The following MRPL42 variants were observed in gnomAD, a reference collection of about 807,000 sequenced individuals.
MRPL42 encodes large ribosomal subunit protein mL42.
In MRPL42, 17 loss-of-function variants were observed where a neutral mutation model predicts 17.9. The ratio of observed to expected loss-of-function variants is 0.95; its 90% CI spans 0.65 to 1.42. The LOEUF (loss-of-function observed/expected upper bound fraction) is 1.42, where lower values mean the gene tolerates loss of function less well. Ranked by LOEUF, MRPL42 falls within the 40% of genes most tolerant of loss-of-function variation. MRPL42 has a pLI of 0.00. For synonymous variants in MRPL42, 59 were observed against 54.4 expected, an observed-to-expected ratio of 1.08 and a Z score of -0.37; for missense variants, 177 against 175.2, an observed-to-expected ratio of 1.01 and a Z score of -0.06.
At chr12:93,485,017 T>TATATAC (rs1880667927) in intron 4 of MRPL42, among the ~76,000 whole-genome samples, 16 of 64,140 alleles carry the variant, frequency 2.5e-4, no homozygotes, top group South Asian at 5.2e-4. Flanking sequence ...TATATATATA[T>TATATAC]ATATATATAT....
chr12:93,496,996 A>G (rs77027619), intron 5 of MRPL42, among the ~76,000 whole-genome samples: 7,680 of 152,232 alleles, frequency 0.05, 247 homozygotes, highest in South Asian at 0.14. Flanking sequence ...TCCTGAAAAC[A>G]TACAACCTCG....
At position 93,505,220 on chromosome 12, in the gene MRPL42, T is replaced by C. The variant is rs1294907651; in HGVS notation, c.*3999T>C. The C allele has an allele frequency of 6.6e-6, 1 of 152,198 alleles. No homozygotes were observed. Among genetic ancestry groups the C allele is most frequent in the Non-Finnish European group, 1.5e-5 (1 of 68,040 alleles). The allele number at this position is 152,198 out of a possible 1,614,324, so 9.4% of individuals were successfully genotyped here. A position where few individuals can be genotyped will look rare whatever the true frequency, so the allele number is the denominator to read the frequency against. On this transcript the variant is annotated 3_prime_UTR_variant, in exon 6 of 6. Transcript: ENST00000549982. ...TGATATGCAAGATAGCACGTGTGGT[T>C]TCCACATATTCTAAGAGGCATCTTC...
intron 2 of MRPL42, among the ~76,000 whole-genome samples, chr12:93,470,776 G>A (rs1879873532): frequency 6.6e-6 from 1 of 152,232 alleles, no homozygotes; most frequent in Non-Finnish European, 1.5e-5. Flanking sequence ...CTGTGTTGCT[G>A]TAAAGGACAT....
At chr12:93,471,546 C>G (rs1879911478) in intron 2 of MRPL42, among the ~76,000 whole-genome samples, 1 of 152,048 alleles carries the variant, frequency 6.6e-6, no homozygotes, top group South Asian at 2.1e-4. Flanking sequence ...AGTGATCTGC[C>G]CACCTCAGCC....
rs866169 is a variant in MRPL42, at chr12:93,512,308, T to A, written c.*11087T>A. 1 of 152,072 alleles carries A rather than the reference T, an allele frequency of 6.6e-6. No homozygotes were observed. The highest frequency in any genetic ancestry group is 1.5e-5 in the Non-Finnish European group (1 of 68,040). The allele number at this position is 152,072 out of a possible 1,614,324, so 9.4% of individuals were successfully genotyped here. A position where few individuals can be genotyped will look rare whatever the true frequency, so the allele number is the denominator to read the frequency against. On this transcript the variant is annotated 3_prime_UTR_variant, in exon 6 of 6. Coordinates refer to ENST00000549982, the MANE Select transcript of MRPL42 (RefSeq NM_014050.4). Reference sequence around the variant, plus strand: ...CTCTACTAAAAATACAAAAATTAGCTGGGCGTGGTGGCACACACCTGTATT... The same window carrying A: ...CTCTACTAAAAATACAAAAATTAGCAGGGCGTGGTGGCACACACCTGTATT...
intron 5 of MRPL42, among the ~76,000 whole-genome samples, chr12:93,498,047 T>TC (rs1953538791): frequency 1.0e-4 from 1 of 9,760 alleles, no homozygotes; most frequent in Non-Finnish European, 2.7e-4. Flanking sequence ...TTTCTCACAG[T>TC]ATCAGTAAAG....
intron 3 of MRPL42, 131 bp downstream of exon 3, chr12:93,477,148 T>A: frequency 1.5e-6 from 1 of 664,892 alleles, no homozygotes; most frequent in Non-Finnish European, 2.4e-6. Context: ...TTTTAAAAAT[T>A]ATTTTAATGA....
chr12:93,490,829 G>T (rs1450937319), intron 5 of MRPL42, among the ~76,000 whole-genome samples: 2 of 152,134 alleles, frequency 1.3e-5, no homozygotes, highest in Admixed American at 6.5e-5. Flanking sequence ...ATAACTGGGG[G>T]TATATAACTT....
intron 4 of MRPL42, among the ~76,000 whole-genome samples, chr12:93,484,134 A>G (rs1592775510): frequency 6.6e-6 from 1 of 152,218 alleles, no homozygotes; most frequent in African/African-American, 2.4e-5. Context: ...AGGCTGTTTT[A>G]CAATTGACTT....
intron 4 of MRPL42, among the ~76,000 whole-genome samples, chr12:93,487,002 C>T (rs753260404): frequency 3.2e-4 from 49 of 152,008 alleles, no homozygotes; most frequent in South Asian, 1.0e-3. Context: ...CAGGGTTTCA[C>T]TCTGTCACCC....
At chr12:93,473,497 T>C (rs1880005365) in intron 2 of MRPL42, among the ~76,000 whole-genome samples, 1 of 152,190 alleles carries the variant, frequency 6.6e-6, no homozygotes, top group Admixed American at 6.5e-5. Flanking sequence ...AATGGCATGA[T>C]CTTGGCCCAC....
rs1953620326 is a variant in MRPL42 at position 93,503,181 on chromosome 12, C to G, written c.*1960C>G. On this transcript the variant is annotated 3_prime_UTR_variant, in exon 6 of 6. Transcript: ENST00000549982. ...TTCATGAAAAACTCACTACACAGTTCTTGTTCAAGCATTATTGGGAAACCA... is the reference window on the plus strand; with the variant it reads ...TTCATGAAAAACTCACTACACAGTTGTTGTTCAAGCATTATTGGGAAACCA... The G allele has an allele frequency of 6.6e-6, 1 of 152,130 alleles. No individual in the cohort carries two copies. Among genetic ancestry groups the G allele is most frequent in the African/African-American group, 2.4e-5 (1 of 41,418 alleles). 9.4% of individuals were successfully genotyped at this position (152,130 alleles called of 1,614,324 possible).
chr12:93,482,684 C>T (rs1326766803), intron 4 of MRPL42, among the ~76,000 whole-genome samples: 1 of 152,160 alleles, frequency 6.6e-6, no homozygotes, highest in Non-Finnish European at 1.5e-5. Context: ...AACATGGGCT[C>T]AAGCAATCCT....
chr12:93,487,006 G>C (rs1172224608), intron 4 of MRPL42, among the ~76,000 whole-genome samples: 2 of 151,632 alleles, frequency 1.3e-5, no homozygotes, highest in African/African-American at 2.4e-5. Context: ...GTTTCACTCT[G>C]TCACCCAGGC....
chr12:93,489,464 A>G (rs1015291001), intron 5 of MRPL42, among the ~76,000 whole-genome samples: 2 of 152,054 alleles, frequency 1.3e-5, no homozygotes, highest in Non-Finnish European at 2.9e-5. Context: ...TTGGGGGGGC[A>G]GGCAACATAG....
chr12:93,495,552 C>G (rs779540634), intron 5 of MRPL42, among the ~76,000 whole-genome samples: 2 of 152,164 alleles, frequency 1.3e-5, no homozygotes, highest in Non-Finnish European at 2.9e-5. Context: ...GTAAACACTT[C>G]AGATTTTCAG....
intron 3 of MRPL42, 91 bp downstream of exon 3, chr12:93,477,108 C>G: frequency 1.1e-6 from 1 of 927,388 alleles, no homozygotes; most frequent in South Asian, 1.6e-5. Context: ...CTGATGCTTT[C>G]TTTTCTCATT....
intron 2 of MRPL42, among the ~76,000 whole-genome samples, chr12:93,473,769 T>C (rs1427012204): frequency 6.6e-6 from 1 of 151,998 alleles, no homozygotes; most frequent in Non-Finnish European, 1.5e-5. Flanking sequence ...AGTTTTGCCA[T>C]GTTGCCCAGG....
intron 4 of MRPL42, among the ~76,000 whole-genome samples, chr12:93,481,706 C>G: frequency 6.6e-6 from 1 of 152,108 alleles, no homozygotes; most frequent in East Asian, 1.9e-4. Flanking sequence ...CCTATGATTC[C>G]CTAGAGATAT....
Sources: allele counts gnomAD v4.1 joint callset (sites outside exome capture counted in the v4.1 genomes callset), GRCh38; gene constraint gnomAD v4.1.1; transcripts MANE v1.5; gene names NCBI Gene and HGNC (gene_info 2026-07-23, HGNC 2026-07-21).